LYST: variants seen among roughly 807,000 people sequenced by gnomAD.
LYST encodes the protein lysosomal trafficking regulator.
In LYST, 192 loss-of-function variants were observed where a neutral mutation model predicts 413.6. The observed-to-expected ratio is 0.46, with a 90% CI of 0.41 to 0.52. LYST has a LOEUF of 0.52. LYST is among the 20% of genes least tolerant of loss of function. LYST has a pLI of 0.00. For synonymous variants in LYST, 1,525 were observed against 1,567.3 expected, an observed-to-expected ratio of 0.97 and a Z score of 0.64; for missense variants, 3,815 against 4,499.9, an observed-to-expected ratio of 0.85 and a Z score of 4.35.
chr1:235,702,617 G>T, intron 45 of LYST, 130 bp downstream of exon 45: 1 of 780,126 alleles, frequency 1.3e-6, no homozygotes. Flanking sequence ...TTTCGCTGCT[G>T]CACCTGTCTT....
chr1:235,759,126 T>C lies in LYST; in HGVS notation c.6727A>G (p.Ile2243Val), dbSNP rs1667328677. 4.3e-6 allele frequency: 7 copies of C among 1,614,190 alleles called. No individual in the cohort carries two copies. The highest frequency in any genetic ancestry group is 5.9e-6 in the Non-Finnish European group (7 of 1,180,026). Residue 2243 changes from isoleucine (I) to valine (V), a missense_variant, in exon 23 of 53, where the codon ATT becomes GTT. Physicochemically the swap from Ile to Val is conservative, Grantham distance 29. Transcript: ENST00000389793. The stretch of plus-strand genomic sequence containing the variant: ...GGAAAAGCTAGCCCAAGGCTTGCAA[T>C]AGTGCTGTGGCTTCGCTGGAAGGAG... ...LASFQRSHST[I>V]ASLGLAFPSQ... is the part of the protein sequence containing the mutation.
rs560089362 is a variant in LYST, at chr1:235,872,538, T to C, written n.454+10649A>G. Among the ~76,000 whole-genome samples the C allele has an allele frequency of 1.4e-4, 21 of 152,294 alleles. No homozygotes were observed. In the South Asian group the frequency reaches 4.1e-3, roughly 30 times the overall value. The stretch of plus-strand genomic sequence containing the variant: ...GTGTGCAGCATTCCTTCTTCCCGGA[T>C]ACAGGGCAGGATGCCTCTGGAATGA... On this transcript the variant is annotated intron_variant and non_coding_transcript_variant, in intron 1 of 11. Coordinates refer to the LYST transcript ENST00000465349.
intron 19 of LYST, among the ~76,000 whole-genome samples, chr1:235,771,718 ATAGT>A (rs1668692016): frequency 6.6e-6 from 1 of 152,126 alleles, no homozygotes; most frequent in South Asian, 2.1e-4. Context: ...AAACATGGCA[ATAGT>A]TAGTTGGCTG....
At chr1:235,857,774 C>T (rs1397513858) in intron 1 of LYST, among the ~76,000 whole-genome samples, 48 of 141,844 alleles carry the variant, frequency 3.4e-4, no homozygotes, top group African/African-American at 1.2e-3. Context: ...CACACACACA[C>T]ACACACACAC....
At chr1:235,757,517 C>G (rs1667156514) in intron 23 of LYST, 59 bp from the exon 24 acceptor site, 1 of 1,265,524 alleles carries the variant, frequency 7.9e-7, no homozygotes, top group Non-Finnish European at 1.2e-6. Context: ...TGATGATTAC[C>G]TTAGGAACTG....
chr1:235,806,334 G>T lies in LYST; in HGVS notation c.2802C>A (p.Ser934Arg), dbSNP rs770423357. 1 of 1,613,930 alleles carries T rather than the reference G, an allele frequency of 6.2e-7. No individual in the cohort carries two copies. The highest frequency in any genetic ancestry group is 8.5e-7 in the Non-Finnish European group (1 of 1,179,938). Reference sequence around the variant, plus strand: ...ATGGCAGCATATGACTTAAAGGCTCGCTGGCTGTGCTGTCATAGCCAGAAG... The same window carrying T: ...ATGGCAGCATATGACTTAAAGGCTCTCTGGCTGTGCTGTCATAGCCAGAAG... ...EDTSGYDSTASEPLSHMLPCI... is the reference protein window; with the variant it reads ...EDTSGYDSTAREPLSHMLPCI... The change falls in exon 6 of 53, where the codon AGC becomes AGA. Residue 934 changes from serine (S) to arginine (R), a missense_variant. Transcript: ENST00000389793.
intron 18 of LYST, 70 bp downstream of exon 18, chr1:235,774,842 TG>T: frequency 9.9e-7 from 1 of 1,009,370 alleles, no homozygotes; most frequent in Non-Finnish European, 1.5e-6. Flanking sequence ...AAACTATTAT[TG>T]GAAGACTTTG....
chr1:235,755,199 C>A (rs1666895492), intron 25 of LYST, among the ~76,000 whole-genome samples: 2 of 150,974 alleles, frequency 1.3e-5, no homozygotes, highest in Non-Finnish European at 1.5e-5. Flanking sequence ...ACCAGCCTGG[C>A]CAACATGGTG....
At chr1:235,709,989 G>A (rs1229537688) in intron 43 of LYST, among the ~76,000 whole-genome samples, 1 of 152,058 alleles carries the variant, frequency 6.6e-6, no homozygotes, top group Non-Finnish European at 1.5e-5. Context: ...TCTCAGAAGT[G>A]TTTATTTAAA....
intron 10 of LYST, among the ~76,000 whole-genome samples, chr1:235,795,523 T>TG (rs1228706737): frequency 6.6e-6 from 1 of 152,224 alleles, no homozygotes; most frequent in Non-Finnish European, 1.5e-5. Context: ...GCCCTATATG[T>TG]GAAAGATGCA....
chr1:235,731,424 T>C (rs1023419517), intron 34 of LYST, among the ~76,000 whole-genome samples: 1 of 152,198 alleles, frequency 6.6e-6, no homozygotes, highest in African/African-American at 2.4e-5. Flanking sequence ...CCAGTTTCTT[T>C]CAACTATTAA....
rs187264404 is a variant in LYST, at chr1:235,704,101, G to T, written c.10144-1124C>A. On this transcript the variant is annotated intron_variant, in intron 44 of 52. Coordinates refer to ENST00000389793, the MANE Select transcript of LYST (RefSeq NM_000081.4). ...GGACATGATCTTGTTCTTTTTTATG[G>T]CTGCAAAGTATTCCATGGTGTATAT... Among the ~76,000 whole-genome samples the T allele has an allele frequency of 1.5e-3, 228 of 152,174 alleles. 2 individuals are homozygous for T. The highest frequency in any genetic ancestry group is 5.3e-3 in the African/African-American group (218 of 41,516).
chr1:235,834,293 C>T (rs1676300433), intron 1 of LYST, among the ~76,000 whole-genome samples: 1 of 152,166 alleles, frequency 6.6e-6, no homozygotes, highest in Admixed American at 6.6e-5. Context: ...CCCTTCTCTA[C>T]AGTGCTTACC....
rs757471831 is a variant in LYST at position 235,808,905 on chromosome 1, T to C, written c.1913A>G (p.Asn638Ser). The change falls in exon 5 of 53, where the codon AAT becomes AGT. Residue 638 changes from asparagine (N) to serine (S), a missense_variant. By Grantham distance (46) the Asn-to-Ser change is conservative. Around this residue, in one of 4 missense-constraint regions of LYST, gnomAD observed 1,648 missense variants for 1,810.3 expected, o/e 0.91. Coordinates refer to ENST00000389793, the MANE Select transcript of LYST (RefSeq NM_000081.4). ...TTGGTCAGAGTCAACAGTACAAATA[T>C]TACAAGCTGCTTTTTTAATTTTTGG... is the stretch of plus-strand genomic sequence containing the variant. Reference protein sequence around the residue: ...ISPKIKKAACNICTVDSDQLA... With the variant: ...ISPKIKKAACSICTVDSDQLA... 18 of 1,612,644 alleles carry C rather than the reference T, an allele frequency of 1.1e-5. No homozygotes were observed. Among genetic ancestry groups the C allele is most frequent in the East Asian group, 2.2e-5 (1 of 44,872 alleles).
intron 47 of LYST, among the ~76,000 whole-genome samples, chr1:235,691,651 A>T (rs1660658547): frequency 6.6e-6 from 1 of 151,584 alleles, no homozygotes; most frequent in Admixed American, 6.6e-5. Context: ...GGGGACACAA[A>T]TAGTGGTAGT....
At position 235,774,918 on chromosome 1, in the gene LYST, A is replaced by T. The variant is rs1251557961; in HGVS notation, c.5629T>A (p.Leu1877Met). 1 of 1,605,002 alleles carries T rather than the reference A, an allele frequency of 6.2e-7. No homozygotes were observed. Among genetic ancestry groups the T allele is most frequent in the South Asian group, 1.1e-5 (1 of 90,818 alleles). Reference sequence around the variant, plus strand: ...TAAATTTTATGAAGACATACCTTCAAAATGTAAAACCCAACAATGCATTTT... The same window carrying T: ...TAAATTTTATGAAGACATACCTTCATAATGTAAAACCCAACAATGCATTTT... ...KQKCIVGFYI[L>M]KTLLEGCCGE... The change falls in exon 18 of 53, where the codon TTG (leucine) becomes ATG (methionine). Residue 1877 changes from leucine to methionine, a missense_variant. Around this residue, in one of 4 missense-constraint regions of LYST, gnomAD observed 530 missense variants for 696.5 expected, o/e 0.76. Transcript: ENST00000389793.
chr1:235,693,899 G>GT (rs1414320652), intron 46 of LYST, among the ~76,000 whole-genome samples: 1 of 152,130 alleles, frequency 6.6e-6, no homozygotes. Context: ...AACACTGCTA[G>GT]AGTGGAAGCA....
chr1:235,837,448 C>T (rs565263427), intron 1 of LYST, among the ~76,000 whole-genome samples: 2 of 151,668 alleles, frequency 1.3e-5, no homozygotes, highest in South Asian at 2.1e-4. Context: ...GGCAACATGG[C>T]GAAATCCCAT....
chr1:235,867,388 G>A (rs112503406), upstream of LYST, among the ~76,000 whole-genome samples: 507 of 152,330 alleles, frequency 3.3e-3, 6 homozygotes, highest in African/African-American at 0.012. Context: ...AGTCAGGAGA[G>A]GGAGAAAGGG....
Sources: gnomAD v4.1 joint callset for allele counts (sites outside exome capture counted in the v4.1 genomes callset) on GRCh38, gnomAD v4.1.1 for gene constraint, gnomAD v4.1.1 regional missense constraint, MANE v1.5 for transcripts, NCBI Gene and HGNC (gene_info 2026-07-23, HGNC 2026-07-21) for gene names.